The following AHCY variants were observed in gnomAD, a reference collection of about 807,000 sequenced individuals.
The protein encoded by AHCY is adenosylhomocysteinase.
AHCY carries 24 observed loss-of-function variants against 45.4 expected under a neutral mutation model. The observed-to-expected ratio is 0.53, with a 90% CI of 0.38 to 0.74. AHCY has a LOEUF of 0.74. Among genes scored for constraint, AHCY ranks in the 30% least tolerant of loss-of-function variants. AHCY has a pLI of 0.00. For missense variants in AHCY, 449 were observed against 594.1 expected, an observed-to-expected ratio of 0.76 and a Z score of 2.54; for synonymous variants, 245 against 235.1, an observed-to-expected ratio of 1.04 and a Z score of -0.39.
At chr20:34,284,168 C>A (rs1568786671) in intron 9 of AHCY, among the ~76,000 whole-genome samples, 1 of 149,350 alleles carries the variant, frequency 6.7e-6, no homozygotes, top group African/African-American at 2.5e-5. Flanking sequence ...AGGGATGTAT[C>A]TTTTTTTTTT....
the AHCY span, chr20:34,260,384 A>G: frequency 1.9e-6 from 3 of 1,613,308 alleles, no homozygotes; most frequent in African/African-American, 1.3e-5. Context: ...GATGGATGTC[A>G]CCCGCTTACT....
the AHCY span, among the ~76,000 whole-genome samples, chr20:34,252,514 C>T: frequency 1.2e-4 from 19 of 152,298 alleles, no homozygotes; most frequent in East Asian, 3.7e-3. Context: ...TATATCTCCC[C>T]TCTAGCCACA....
chr20:34,272,742 G>A, the AHCY span, among the ~76,000 whole-genome samples: 1 of 152,144 alleles, frequency 6.6e-6, no homozygotes, highest in African/African-American at 2.4e-5. Flanking sequence ...AAATTAGCCA[G>A]GCATGGTGGC....
chr20:34,303,998 C>A (rs1467243216), upstream of AHCY, among the ~76,000 whole-genome samples: 1 of 152,078 alleles, frequency 6.6e-6, no homozygotes, highest in African/African-American at 2.4e-5. Flanking sequence ...GACCCTATCT[C>A]AAAAAAACCA....
intron 9 of AHCY, among the ~76,000 whole-genome samples, chr20:34,282,758 TGAAGAGATTATGCAGAA>T (rs2036044683): frequency 1.3e-5 from 2 of 152,102 alleles, no homozygotes; most frequent in African/African-American, 4.8e-5. Flanking sequence ...AGAGCAGCTT[TGAAGAGATTATGCAGAA>T]ACCGAGGAGG....
At chr20:34,271,292 G>C in the AHCY span, among the ~76,000 whole-genome samples, 3 of 152,104 alleles carry the variant, frequency 2.0e-5, no homozygotes, top group African/African-American at 7.2e-5. Context: ...TAAGAGCATG[G>C]TCCTGGGCCT....
At chr20:34,245,875 T>TTCTACA in the AHCY span, 1 of 1,006,790 alleles carries the variant, frequency 9.9e-7, no homozygotes, top group Non-Finnish European at 1.3e-6. Context: ...TATATATATA[T>TTCTACA]GTATATATAA....
chr20:34,274,539 C>T, the AHCY span, among the ~76,000 whole-genome samples: 1 of 152,158 alleles, frequency 6.6e-6, no homozygotes, highest in South Asian at 2.1e-4. Context: ...TCAACACCAC[C>T]CCAGGGAGTA....
the AHCY span, chr20:34,268,981 TC>T: frequency 2.5e-6 from 4 of 1,597,550 alleles, no homozygotes; most frequent in African/African-American, 5.4e-5. Flanking sequence ...CCCCGGCGTT[TC>T]CCACGCAGAA....
the AHCY span, among the ~76,000 whole-genome samples, chr20:34,249,104 G>T: frequency 6.6e-6 from 1 of 152,014 alleles, no homozygotes; most frequent in African/African-American, 2.4e-5. Flanking sequence ...ACTCCAGCCT[G>T]GGTGACAGAG....
the AHCY span, among the ~76,000 whole-genome samples, chr20:34,233,143 C>CTTTTTTT: frequency 3.5e-4 from 35 of 100,324 alleles, no homozygotes; most frequent in African/African-American, 1.3e-3. Flanking sequence ...GGGACAAGAG[C>CTTTTTTT]TTTTTTTTTT....
intron 1 of AHCY, among the ~76,000 whole-genome samples, chr20:34,297,484 G>A (rs1309109991): frequency 1.3e-5 from 2 of 151,962 alleles, no homozygotes; most frequent in Non-Finnish European, 1.5e-5. Flanking sequence ...TTTTAGAGGA[G>A]ACGGGGTTTC....
the AHCY span, chr20:34,260,538 A>G: frequency 6.2e-7 from 1 of 1,608,090 alleles, no homozygotes; most frequent in South Asian, 1.1e-5. Flanking sequence ...ATTGTGGGTA[A>G]GTCACCTAGC....
At chr20:34,265,299 G>C in the AHCY span, among the ~76,000 whole-genome samples, 1 of 152,040 alleles carries the variant, frequency 6.6e-6, no homozygotes, top group Non-Finnish European at 1.5e-5. Flanking sequence ...GAGGTTGGCA[G>C]ATCACTTGAG....
Position 34,303,310 on chromosome 20 carries a change from G to A in AHCY, c.-40C>T, listed in dbSNP as rs759516966. 1.1e-4 allele frequency: 166 copies of A among 1,551,596 alleles called. No individual in the cohort carries two copies. The highest frequency in any genetic ancestry group is 1.3e-4 in the Non-Finnish European group (154 of 1,146,972). ...TGATGGAAACGGGCGAAGGGGGCTG[G>A]GCCTCAGTCTGGGAACAGGAACTGG... On this transcript the variant is annotated 5_prime_UTR_variant, in exon 1 of 10. Coordinates refer to ENST00000217426, the MANE Select transcript of AHCY (RefSeq NM_000687.4).
downstream of AHCY, among the ~76,000 whole-genome samples, chr20:34,276,829 G>C (rs940835266): frequency 6.6e-6 from 1 of 152,130 alleles, no homozygotes. Flanking sequence ...ACCTGGAACT[G>C]ATCGAAGCCC....
chr20:34,235,840 AGAAG>A, the AHCY span, among the ~76,000 whole-genome samples: 296 of 53,690 alleles, frequency 5.5e-3, 11 homozygotes, highest in Non-Finnish European at 7.1e-3. Flanking sequence ...AAAGAAAGAA[AGAAG>A]GAAGGAAGGA....
the AHCY span, among the ~76,000 whole-genome samples, chr20:34,254,928 T>C: frequency 6.6e-6 from 1 of 152,188 alleles, no homozygotes; most frequent in African/African-American, 2.4e-5. Context: ...TCAGTCCAAC[T>C]GTATGGTTCT....
At chr20:34,287,729 A>G (rs992200468) in intron 8 of AHCY, among the ~76,000 whole-genome samples, 3 of 152,114 alleles carry the variant, frequency 2.0e-5, no homozygotes, top group African/African-American at 7.2e-5. Flanking sequence ...GAAGATGAAC[A>G]AGGAGAAGGG....
Sources: allele counts gnomAD v4.1 joint callset (sites outside exome capture counted in the v4.1 genomes callset), GRCh38; gene constraint gnomAD v4.1.1; transcripts MANE v1.5; gene names NCBI Gene and HGNC (gene_info 2026-07-23, HGNC 2026-07-21).